The following TNIK variants were observed in gnomAD, a reference collection of about 807,000 sequenced individuals.
The protein encoded by TNIK is TRAF2 and NCK-interacting protein kinase.
TNIK carries 49 observed loss-of-function variants against 191.3 expected under a neutral mutation model. The observed-to-expected ratio is 0.26, with a 90% CI of 0.20 to 0.32. The LOEUF is 0.32. Ranked by LOEUF, TNIK falls within the 10% of genes least tolerant of loss-of-function variation. The probability of loss-of-function intolerance (pLI) is 1.00; values close to 1 mark genes in which losing one functional copy is unlikely to be tolerated. For missense variants in TNIK, 1,155 were observed against 1,702.3 expected, an observed-to-expected ratio of 0.68 and a Z score of 5.66; for synonymous variants, 594 against 600.9, an observed-to-expected ratio of 0.99 and a Z score of 0.17.
intron 3 of TNIK, among the ~76,000 whole-genome samples, chr3:171,221,970 T>C (rs1000072208): frequency 1.2e-4 from 18 of 152,186 alleles, no homozygotes; most frequent in African/African-American, 3.4e-4. Context: ...AGTGATTCAA[T>C]GTACCTTACT....
intron 11 of TNIK, 22 bp from the exon 12 acceptor site, chr3:171,157,686 C>CAGGA (rs1560195005): frequency 6.4e-7 from 1 of 1,551,536 alleles, no homozygotes; most frequent in Admixed American, 2.0e-5. Context: ...AGAGAGTGAT[C>CAGGA]AGGATCCCAC....
At chr3:171,161,645 A>G (rs1220592201) in intron 10 of TNIK, among the ~76,000 whole-genome samples, 2 of 152,104 alleles carry the variant, frequency 1.3e-5, no homozygotes, top group African/African-American at 4.8e-5. Context: ...TTGGCCGGGC[A>G]CGGTGGCTCA....
chr3:171,082,112 A>G (rs994169486), intron 27 of TNIK, 139 bp downstream of exon 27: 1 of 1,172,190 alleles, frequency 8.5e-7, no homozygotes, highest in Non-Finnish European at 1.2e-6. Flanking sequence ...AATGTGGGCA[A>G]TCTCACTCTG....
At chr3:171,210,575 T>C (rs567242197) in intron 4 of TNIK, among the ~76,000 whole-genome samples, 1 of 152,238 alleles carries the variant, frequency 6.6e-6, no homozygotes, top group Admixed American at 6.5e-5. Flanking sequence ...GTATTAGGTA[T>C]TTTACTTACA....
At chr3:171,392,727 C>A in intron 1 of TNIK, among the ~76,000 whole-genome samples, 1 of 139,012 alleles carries the variant, frequency 7.2e-6, no homozygotes, top group Admixed American at 7.8e-5. Context: ...TGCAGTGAGC[C>A]GAGATCGTGC....
chr3:171,136,364 T>C (rs1729974772), intron 15 of TNIK, among the ~76,000 whole-genome samples: 2 of 152,212 alleles, frequency 1.3e-5, no homozygotes, highest in African/African-American at 4.8e-5. Context: ...TGAATTGCAG[T>C]AATGGACAAC....
chr3:171,218,787 C>T (rs1285139916), intron 3 of TNIK, among the ~76,000 whole-genome samples: 1 of 140,652 alleles, frequency 7.1e-6, no homozygotes, highest in Admixed American at 7.4e-5. Context: ...ATATGCATAT[C>T]ATTTACATAT....
At chr3:171,139,323 G>T in intron 14 of TNIK, 147 bp downstream of exon 14, 2 of 693,354 alleles carry the variant, frequency 2.9e-6, no homozygotes, top group Admixed American at 2.3e-5. Flanking sequence ...AGGTCCCTGA[G>T]GCTTAGAAGA....
chr3:171,185,495 G>T (rs1313294142), intron 7 of TNIK, among the ~76,000 whole-genome samples: 2 of 152,108 alleles, frequency 1.3e-5, no homozygotes, highest in East Asian at 3.8e-4. Flanking sequence ...TACTTATCAG[G>T]GAAATGAAAC....
At chr3:171,381,039 A>G (rs1717957052) in intron 1 of TNIK, among the ~76,000 whole-genome samples, 1 of 150,680 alleles carries the variant, frequency 6.6e-6, no homozygotes, top group South Asian at 2.1e-4. Flanking sequence ...AGATGTTAAT[A>G]ACAGGGCTTC....
chr3:171,445,246 C>G (rs140245258), intron 1 of TNIK, among the ~76,000 whole-genome samples: 1 of 151,776 alleles, frequency 6.6e-6, no homozygotes, highest in Admixed American at 6.6e-5. Context: ...GTAGGAAAGC[C>G]CTTCTCTATA....
intron 19 of TNIK, among the ~76,000 whole-genome samples, chr3:171,110,370 T>G (rs1330281529): frequency 6.6e-6 from 1 of 152,186 alleles, no homozygotes; most frequent in Non-Finnish European, 1.5e-5. Flanking sequence ...TTCAGGACAT[T>G]TGTGGGTACA....
intron 2 of TNIK, among the ~76,000 whole-genome samples, chr3:171,243,717 A>T (rs1745250275): frequency 6.6e-6 from 1 of 152,186 alleles, no homozygotes. Flanking sequence ...TTACTCCTAG[A>T]GGAAGGTTTA....
chr3:171,113,769 A>G (rs1004019187), intron 18 of TNIK, among the ~76,000 whole-genome samples: 1 of 152,010 alleles, frequency 6.6e-6, no homozygotes, highest in African/African-American at 2.4e-5. Context: ...CACTGGGTCA[A>G]GCATTTGAGA....
At chr3:171,375,316 T>C (rs746163263) in intron 1 of TNIK, among the ~76,000 whole-genome samples, 1 of 152,230 alleles carries the variant, frequency 6.6e-6, no homozygotes, top group Non-Finnish European at 1.5e-5. Context: ...AGTCCGCATT[T>C]TATAGATTTT....
intron 2 of TNIK, among the ~76,000 whole-genome samples, chr3:171,283,988 T>C (rs990400096): frequency 9.2e-5 from 14 of 152,192 alleles, no homozygotes; most frequent in Non-Finnish European, 1.9e-4. Flanking sequence ...GGATCTCATA[T>C]CTAGAAACAA....
chr3:171,296,704 T>G (rs191809651), intron 2 of TNIK, among the ~76,000 whole-genome samples: 1 of 152,296 alleles, frequency 6.6e-6, no homozygotes, highest in East Asian at 1.9e-4. Context: ...TATTGATAAT[T>G]ATTGAAGATA....
At chr3:171,143,830 G>A (rs1159194971) in intron 12 of TNIK, among the ~76,000 whole-genome samples, 2 of 152,166 alleles carry the variant, frequency 1.3e-5, no homozygotes, top group Non-Finnish European at 2.9e-5. Flanking sequence ...ACTCTTTGAT[G>A]CCCTTCTTAA....
intron 2 of TNIK, among the ~76,000 whole-genome samples, chr3:171,310,731 T>C (rs1270672466): frequency 6.6e-6 from 1 of 152,194 alleles, no homozygotes; most frequent in Admixed American, 6.6e-5. Flanking sequence ...TGTTCATATT[T>C]GATATTTAAA....
Sources: gnomAD v4.1 joint callset for allele counts (sites outside exome capture counted in the v4.1 genomes callset) on GRCh38, gnomAD v4.1.1 for gene constraint, MANE v1.5 for transcripts, NCBI Gene and HGNC (gene_info 2026-07-23, HGNC 2026-07-21) for gene names.